The following SDK2 variants were observed in gnomAD, a reference collection of about 807,000 sequenced individuals.
SDK2 encodes sidekick cell adhesion molecule 2, also known as protein sidekick-2.
In SDK2, 105 loss-of-function variants were observed where a neutral mutation model predicts 253.9. That is an observed-to-expected ratio of 0.41 (90% CI 0.35 to 0.49). The LOEUF is 0.49. SDK2 is among the 20% of genes least tolerant of loss of function. The probability of loss-of-function intolerance (pLI) is 0.06; values close to 1 mark genes in which losing one functional copy is unlikely to be tolerated. For missense variants in SDK2, 2,608 were observed against 3,003.0 expected (o/e 0.87, Z 3.07); for synonymous variants, 1,249 against 1,234.9 (o/e 1.01, Z -0.24).
intron 1 of SDK2, among the ~76,000 whole-genome samples, chr17:73,585,454 C>T (rs1001165471): frequency 6.6e-6 from 1 of 152,236 alleles, no homozygotes; most frequent in African/African-American, 2.4e-5. Context: ...GACTCCTGAG[C>T]CTTCCCCAGA....
intron 1 of SDK2, among the ~76,000 whole-genome samples, chr17:73,533,705 A>G (rs2064189520): frequency 3.4e-5 from 2 of 58,118 alleles, no homozygotes; most frequent in Non-Finnish European, 6.5e-5. Context: ...CCCCAGACAA[A>G]TTGGGGAACC....
In SDK2 at chr17:73,639,422, G is replaced by T; in HGVS notation, c.64+4603C>A. Among the ~76,000 whole-genome samples the T allele has an allele frequency of 6.6e-6, 1 of 152,180 alleles. No individual in the cohort carries two copies. Among genetic ancestry groups the T allele is most frequent in the East Asian group, 1.9e-4 (1 of 5,176 alleles). Reference sequence around the variant, plus strand: ...CCTCCTGCCCAGCACATGGACAGCAGGGGTGGGACACCTAGGGGAGGGGGC... The same window carrying T: ...CCTCCTGCCCAGCACATGGACAGCATGGGTGGGACACCTAGGGGAGGGGGC... On this transcript the variant is annotated intron_variant, in intron 1 of 44. Transcript: ENST00000392650. This position sits in a 1 kb window ranked among gnomAD's most constrained non-coding sequence, Gnocchi z 4.3.
intron 18 of SDK2, 92 bp downstream of exon 18, chr17:73,414,552 G>C (rs965698017): frequency 5.4e-6 from 5 of 934,442 alleles, no homozygotes; most frequent in Non-Finnish European, 6.9e-6. Flanking sequence ...AGAAACAGAG[G>C]GGGGATTTCC....
chr17:73,411,986 G>GTATATA (rs71157010), intron 18 of SDK2, among the ~76,000 whole-genome samples: 38 of 131,604 alleles, frequency 2.9e-4, no homozygotes, highest in African/African-American at 1.1e-3. Context: ...ATATATCTAC[G>GTATATA]TATATATATA....
intron 8 of SDK2, among the ~76,000 whole-genome samples, chr17:73,436,576 C>CAAAA (rs56089526): frequency 3.3e-4 from 13 of 38,832 alleles, no homozygotes; most frequent in East Asian, 2.2e-3. Context: ...GACTCAGTCT[C>CAAAA]AAAAAAAAAA....
At chr17:73,620,639 T>C (rs1373102978) in intron 1 of SDK2, among the ~76,000 whole-genome samples, 1 of 152,170 alleles carries the variant, frequency 6.6e-6, no homozygotes, top group African/African-American at 2.4e-5. Context: ...CATTAACAAG[T>C]GCACGTGGCA....
chr17:73,571,830 G>C (rs1184120099), intron 1 of SDK2, among the ~76,000 whole-genome samples: 1 of 152,128 alleles, frequency 6.6e-6, no homozygotes, highest in Non-Finnish European at 1.5e-5. Context: ...CTCCTCCCTG[G>C]GCATTTCCCA....
chr17:73,556,323 GT>G (rs1386379974), intron 1 of SDK2, among the ~76,000 whole-genome samples: 1 of 131,378 alleles, frequency 7.6e-6, no homozygotes, highest in African/African-American at 3.0e-5. Flanking sequence ...CGGAGTTTGG[GT>G]TTTTTTTATT....
intron 1 of SDK2, among the ~76,000 whole-genome samples, chr17:73,533,370 C>G (rs2064185881): frequency 6.6e-6 from 1 of 152,358 alleles, no homozygotes; most frequent in South Asian, 2.1e-4. Flanking sequence ...GAATGACATC[C>G]TCAGAGCTGG....
chr17:73,639,388 C>T lies in SDK2; in HGVS notation c.64+4637G>A, dbSNP rs751523269. 5.3e-5 allele frequency among the ~76,000 whole-genome samples: 8 copies of T among 152,212 alleles called. No individual in the cohort carries two copies. The highest frequency in any genetic ancestry group is 8.8e-5 in the Non-Finnish European group (6 of 68,038). ...GAGCATCCCTGCTCAACGCTGCTCA[C>T]TGGCTCTGCCTCCTGCCCAGCACAT... is the stretch of plus-strand genomic sequence containing the variant. On this transcript the variant is annotated intron_variant, in intron 1 of 44. Coordinates refer to ENST00000392650, the MANE Select transcript of SDK2 (RefSeq NM_001144952.2). The surrounding 1 kb of genome is among the most constrained non-coding windows in gnomAD (Gnocchi z 4.3).
Position 73,643,957 on chromosome 17 carries a change from T to TGCCCCCCCCCCCCCCCCCCCCCCCCA in SDK2, c.64+67_64+68insTGGGGGGGGGGGGGGGGGGGGGGGGC. 2.0e-6 allele frequency: 2 copies of TGCCCCCCCCCCCCCCCCCCCCCCCCA among 1,019,994 alleles called. No individual in the cohort carries two copies. The highest frequency in any genetic ancestry group is 1.6e-5 in the African/African-American group (1 of 63,134). The allele number at this position is 1,019,994 out of a possible 1,614,324, so 63.2% of individuals were successfully genotyped here. On this transcript the variant is annotated intron_variant, in intron 1 of 44. Transcript: ENST00000392650. The surrounding 1 kb of genome is among the most constrained non-coding windows in gnomAD (Gnocchi z 6.9). ...GGAGGTCACCGTGAGGCCGGCCAGC[T>TGCCCCCCCCCCCCCCCCCCCCCCCCA]CCCGCCGCCCCTCCCCCGCCCACTC...
chr17:73,519,941 T>C (rs1194380750), intron 1 of SDK2: 5 of 152,124 alleles, frequency 3.3e-5, no homozygotes, highest in East Asian at 3.9e-4. Flanking sequence ...GAGCAGAAAA[T>C]TGGAGTTCAA....
chr17:73,548,742 T>A (rs1055914318), intron 1 of SDK2, among the ~76,000 whole-genome samples: 2 of 152,078 alleles, frequency 1.3e-5, no homozygotes, highest in African/African-American at 4.8e-5. Flanking sequence ...CTGGGGGAAG[T>A]AGAGGGGGAG....
Position 73,612,734 on chromosome 17 carries a change from T to C in SDK2, c.64+31291A>G, listed in dbSNP as rs561051856. 1.0e-3 allele frequency among the ~76,000 whole-genome samples: 158 copies of C among 152,224 alleles called. 1 individual carries two copies. The highest frequency in any genetic ancestry group is 3.7e-3 in the African/African-American group (154 of 41,538). ...GACTTTGAGACAAGCCTGACCAACA[T>C]GGTGAAACCCCGTCTCTACTAAAAA... On this transcript the variant is annotated intron_variant, in intron 1 of 44. Coordinates refer to ENST00000392650, the MANE Select transcript of SDK2 (RefSeq NM_001144952.2). This position sits in a 1 kb window ranked among gnomAD's most constrained non-coding sequence, Gnocchi z 4.4.
chr17:73,634,840 G>A (rs955196143), intron 1 of SDK2, among the ~76,000 whole-genome samples: 4 of 152,126 alleles, frequency 2.6e-5, no homozygotes, highest in African/African-American at 7.2e-5. Context: ...AGCACAGCTC[G>A]TTAAACCCTG....
chr17:73,602,663 T>C (rs2045857317), intron 1 of SDK2, among the ~76,000 whole-genome samples: 1 of 152,118 alleles, frequency 6.6e-6, no homozygotes, highest in Non-Finnish European at 1.5e-5. Context: ...TGTTCGGGTC[T>C]GGGCACTGTC....
chr17:73,487,489 C>T (rs1326132834), intron 2 of SDK2, among the ~76,000 whole-genome samples: 4 of 152,068 alleles, frequency 2.6e-5, no homozygotes, highest in Admixed American at 1.3e-4. Context: ...ACAGATGGGG[C>T]GGGAGGGCCA....
In SDK2 at chr17:73,437,719, C is replaced by A; in HGVS notation, c.1000+20G>T. On this transcript the variant is annotated intron_variant, in intron 8 of 44. Coordinates refer to ENST00000392650, the MANE Select transcript of SDK2 (RefSeq NM_001144952.2). ...AAGATCTGGGGTCTTTGTCCCCCTC[C>A]AGCGGTGCCACCTCATTACCTTTGG... The A allele has an allele frequency of 6.2e-7, 1 of 1,602,694 alleles. No individual in the cohort carries two copies. The highest frequency in any genetic ancestry group is 2.2e-5 in the East Asian group (1 of 44,844).
In SDK2 at chr17:73,447,753, G is replaced by A; in HGVS notation, c.480-5C>T. 2 of 1,551,654 alleles carry A rather than the reference G, an allele frequency of 1.3e-6. No individual in the cohort carries two copies. Among genetic ancestry groups the A allele is most frequent in the Non-Finnish European group, 1.7e-6 (2 of 1,146,960 alleles). ...GTGTTCTCCAGCGTGATGGCTCTGG[G>A]AAGAGGAAAAGGATTCCTCTGACAG... is the stretch of plus-strand genomic sequence containing the variant. On this transcript the variant is annotated splice_polypyrimidine_tract_variant and splice_region_variant and intron_variant, in intron 4 of 44. Transcript: ENST00000392650. The surrounding 1 kb of genome is among the most constrained non-coding windows in gnomAD (Gnocchi z 4.0).
Sources: gnomAD v4.1 joint callset for allele counts (sites outside exome capture counted in the v4.1 genomes callset) on GRCh38, gnomAD v4.1.1 for gene constraint, Gnocchi (gnomAD v3.1) non-coding constraint, MANE v1.5 for transcripts, NCBI Gene and HGNC (gene_info 2026-07-23, HGNC 2026-07-21) for gene names.